The following TAFA1 variants were observed in gnomAD, a reference collection of about 807,000 sequenced individuals.
The protein encoded by TAFA1 is TAFA chemokine like family member 1.
TAFA1 carries 4 observed loss-of-function variants against 18.5 expected under a neutral mutation model. The observed-to-expected ratio is 0.22, with a 90% confidence interval of 0.11 to 0.49. The LOEUF (loss-of-function observed/expected upper bound fraction) is 0.49, where lower values mean the gene tolerates loss of function less well. TAFA1 is among the 20% of genes least tolerant of loss of function. The probability of loss-of-function intolerance (pLI) is 0.98; values close to 1 mark genes in which losing one functional copy is unlikely to be tolerated. For missense variants in TAFA1, 147 were observed against 169.0 expected, an observed-to-expected ratio of 0.87 and a Z score of 0.72; for synonymous variants, 56 against 55.2, an observed-to-expected ratio of 1.01 and a Z score of -0.06.
At chr3:68,242,270 C>T (rs966913097) in intron 2 of TAFA1, among the ~76,000 whole-genome samples, 1 of 152,084 alleles carries the variant, frequency 6.6e-6, no homozygotes, top group South Asian at 2.1e-4. Context: ...TCTAATGAAC[C>T]CTTCCAGTCT....
At chr3:68,021,894 T>A (rs1349005) in intron 2 of TAFA1, among the ~76,000 whole-genome samples, 3 of 151,994 alleles carry the variant, frequency 2.0e-5, no homozygotes, top group Non-Finnish European at 4.4e-5. Flanking sequence ...AGCTCTCTAC[T>A]GAAGAGGGCA....
chr3:68,229,219 T>C (rs1488304321), intron 2 of TAFA1, among the ~76,000 whole-genome samples: 7 of 152,232 alleles, frequency 4.6e-5, no homozygotes, highest in Non-Finnish European at 8.8e-5. Flanking sequence ...ATTTTCTTCA[T>C]TGGCAGTCAA....
chr3:68,380,288 T>G (rs900199588), intron 2 of TAFA1, among the ~76,000 whole-genome samples: 1 of 152,204 alleles, frequency 6.6e-6, no homozygotes. Context: ...TACGCAGTAA[T>G]GGGATGGCTG....
At chr3:68,414,790 T>A (rs1308149978) in intron 2 of TAFA1, among the ~76,000 whole-genome samples, 1 of 152,172 alleles carries the variant, frequency 6.6e-6, no homozygotes, top group Non-Finnish European at 1.5e-5. Context: ...GGCTTGTCTG[T>A]CATTGTGTCC....
At position 68,171,785 on chromosome 3, in the gene TAFA1, A is replaced by G. The variant is rs182539164; in HGVS notation, c.118+165041A>G. The stretch of plus-strand genomic sequence containing the variant: ...CCAAATACAGATTCTAGAGTTGAAA[A>G]TTACAAAAACTGTAATGAAAAAAAA... On this transcript the variant is annotated intron_variant, in intron 2 of 4. Coordinates refer to ENST00000478136, the MANE Select transcript of TAFA1 (RefSeq NM_213609.4). 5.2e-3 allele frequency among the ~76,000 whole-genome samples: 792 copies of G among 152,288 alleles called. 4 individuals carry two copies. Among genetic ancestry groups the G allele is most frequent in the Admixed American group, 8.4e-3 (129 of 15,300 alleles).
chr3:68,165,129 T>G (rs1377920391), intron 2 of TAFA1, among the ~76,000 whole-genome samples: 1 of 152,234 alleles, frequency 6.6e-6, no homozygotes, highest in Admixed American at 6.5e-5. Context: ...GTCCATGATG[T>G]TTTGTGCATG....
rs192046051 is a variant in TAFA1 at position 68,469,598 on chromosome 3, G to A, written c.259+52178G>A. Reference sequence around the variant, plus strand: ...TGAGGCAGGAGAATGGCGTGAACCCGGGAGGTGGAGCTTGCAGTGAGCCGA... The same window carrying A: ...TGAGGCAGGAGAATGGCGTGAACCCAGGAGGTGGAGCTTGCAGTGAGCCGA... On this transcript the variant is annotated intron_variant, in intron 3 of 4. Coordinates refer to ENST00000478136, the MANE Select transcript of TAFA1 (RefSeq NM_213609.4). Among the ~76,000 whole-genome samples, 68 of 152,220 alleles carry A rather than the reference G, an allele frequency of 4.5e-4. No homozygotes were observed. In the East Asian group the frequency reaches 0.012, roughly 26 times the overall value.
chr3:68,480,218 C>G (rs976381707), intron 3 of TAFA1, among the ~76,000 whole-genome samples: 1 of 146,222 alleles, frequency 6.8e-6, no homozygotes, highest in South Asian at 2.2e-4. Flanking sequence ...CAGTGAAACC[C>G]CATCTCTACT....
intron 2 of TAFA1, among the ~76,000 whole-genome samples, chr3:68,176,658 T>C (rs142252216): frequency 3.8e-4 from 58 of 152,308 alleles, no homozygotes; most frequent in African/African-American, 1.3e-3. Flanking sequence ...CACATACATA[T>C]TTACCACTTC....
chr3:68,325,559 A>G (rs956538814), intron 2 of TAFA1, among the ~76,000 whole-genome samples: 1 of 152,154 alleles, frequency 6.6e-6, no homozygotes, highest in Non-Finnish European at 1.5e-5. Context: ...TTTTGCAACT[A>G]TTATAGTCTA....
At chr3:68,021,796 A>G (rs1166048196) in intron 2 of TAFA1, among the ~76,000 whole-genome samples, 1 of 152,140 alleles carries the variant, frequency 6.6e-6, no homozygotes, top group African/African-American at 2.4e-5. Flanking sequence ...TATATAGTTA[A>G]AACCATGGTT....
chr3:68,023,843 G>A (rs1031642854), intron 2 of TAFA1, among the ~76,000 whole-genome samples: 4 of 152,240 alleles, frequency 2.6e-5, no homozygotes, highest in Non-Finnish European at 1.5e-5. Context: ...CCTCATTTAA[G>A]TAAAAATGAA....
At chr3:68,215,783 T>C (rs571965290) in intron 2 of TAFA1, among the ~76,000 whole-genome samples, 1 of 152,150 alleles carries the variant, frequency 6.6e-6, no homozygotes, top group South Asian at 2.1e-4. Flanking sequence ...AATCTTACCC[T>C]ATGATCCAGC....
At chr3:68,386,518 G>T (rs972824518) in intron 2 of TAFA1, among the ~76,000 whole-genome samples, 5 of 151,770 alleles carry the variant, frequency 3.3e-5, no homozygotes, top group Non-Finnish European at 7.4e-5. Context: ...ACTCATCTAG[G>T]GTGCTATGCA....
chr3:68,536,346 C>T (rs190974786), intron 3 of TAFA1, among the ~76,000 whole-genome samples: 18 of 152,224 alleles, frequency 1.2e-4, no homozygotes, highest in South Asian at 2.1e-4. Flanking sequence ...TACTCCATCC[C>T]GTTTTAATGT....
chr3:68,173,561 C>T (rs2066085643), intron 2 of TAFA1, among the ~76,000 whole-genome samples: 1 of 152,014 alleles, frequency 6.6e-6, no homozygotes, highest in Non-Finnish European at 1.5e-5. Context: ...ATATGAAGGG[C>T]CTATTTTAAA....
At chr3:68,359,495 G>A (rs902610059) in intron 2 of TAFA1, among the ~76,000 whole-genome samples, 6 of 151,962 alleles carry the variant, frequency 3.9e-5, no homozygotes, top group Admixed American at 3.3e-4. Context: ...GATATGCTGT[G>A]AGAAGAACTC....
chr3:68,108,439 T>G (rs974743702), intron 2 of TAFA1, among the ~76,000 whole-genome samples: 1 of 28,630 alleles, frequency 3.5e-5, no homozygotes, highest in Non-Finnish European at 8.1e-5. Context: ...TTTGAAGGTG[T>G]GTGTGTGTGT....
intron 3 of TAFA1, among the ~76,000 whole-genome samples, chr3:68,452,769 G>A (rs542907066): frequency 1.3e-5 from 2 of 152,120 alleles, no homozygotes; most frequent in Non-Finnish European, 2.9e-5. Context: ...TCTAGATATT[G>A]AACATGCCCA....
Sources: gnomAD v4.1 joint callset for allele counts (sites outside exome capture counted in the v4.1 genomes callset) on GRCh38, gnomAD v4.1.1 for gene constraint, MANE v1.5 for transcripts, NCBI Gene and HGNC (gene_info 2026-07-23, HGNC 2026-07-21) for gene names.